The following ZZZ3 variants were observed in gnomAD, a reference collection of about 807,000 sequenced individuals.
ZZZ3 encodes the protein zinc finger ZZ-type containing 3.
Under a neutral mutation model 95.2 loss-of-function variants are expected in ZZZ3, and 22 were observed. That is an observed-to-expected ratio of 0.23 (90% CI 0.17 to 0.33). ZZZ3 has a LOEUF of 0.33. Among genes scored for constraint, ZZZ3 ranks in the 10% least tolerant of loss-of-function variants. The pLI is 1.00. For missense variants in ZZZ3, 885 were observed against 1,066.5 expected (o/e 0.83, Z 2.37); for synonymous variants, 335 against 358.9 (o/e 0.93, Z 0.75).
intron 5 of ZZZ3, among the ~76,000 whole-genome samples, chr1:77,604,565 G>A (rs1264308839): frequency 6.6e-6 from 1 of 152,166 alleles, no homozygotes; most frequent in Non-Finnish European, 1.5e-5. Flanking sequence ...TAAACTACGT[G>A]AGAACAGGCA....
rs748271897 is a variant in ZZZ3, at chr1:77,632,352, T to C, written c.1003A>G (p.Thr335Ala). 6 of 1,614,030 alleles carry C rather than the reference T, an allele frequency of 3.7e-6. No homozygotes were observed. The highest frequency in any genetic ancestry group is 5.1e-6 in the Non-Finnish European group (6 of 1,180,008). The change falls in exon 5 of 15, where the codon ACC becomes GCC. Residue 335 changes from threonine to alanine, a missense_variant. Thr to Ala is a moderately conservative substitution (Grantham distance 58). Around this residue, in one of 5 missense-constraint regions of ZZZ3, gnomAD observed 556 missense variants for 652.9 expected, o/e 0.85. Transcript: ENST00000370801. ...SASKEQCKEN[T>A]NNELDTSLES... ...AGACTTGTGTCCAGTTCGTTATTGG[T>C]GTTTTCTTTACACTGCTCTTTTGAG... is the stretch of plus-strand genomic sequence containing the variant.
intron 1 of ZZZ3, among the ~76,000 whole-genome samples, chr1:77,642,737 A>G (rs894354096): frequency 2.0e-5 from 3 of 152,242 alleles, no homozygotes; most frequent in African/African-American, 7.2e-5. Flanking sequence ...CAGGCAACAG[A>G]GTAAACCCTA....
At chr1:77,669,259 C>CTTAA (rs747752342) in intron 1 of ZZZ3, among the ~76,000 whole-genome samples, 1 of 152,106 alleles carries the variant, frequency 6.6e-6, no homozygotes, top group South Asian at 2.1e-4. Context: ...TCAAGTTTCT[C>CTTAA]TTATCTTCTC....
At chr1:77,582,584 G>C (rs1022397216) in intron 6 of ZZZ3, among the ~76,000 whole-genome samples, 1 of 149,024 alleles carries the variant, frequency 6.7e-6, no homozygotes, top group African/African-American at 2.5e-5. Flanking sequence ...AGCAAACCCA[G>C]AAAAATAGAA....
intron 1 of ZZZ3, among the ~76,000 whole-genome samples, chr1:77,660,154 A>T (rs1021412907): frequency 6.6e-6 from 1 of 152,188 alleles, no homozygotes; most frequent in Admixed American, 6.5e-5. Flanking sequence ...TCTAGCAGGT[A>T]AAGAAGAGTA....
At chr1:77,680,891 ACTTT>A (rs1479237251) in intron 1 of ZZZ3, among the ~76,000 whole-genome samples, 1 of 152,200 alleles carries the variant, frequency 6.6e-6, no homozygotes, top group Non-Finnish European at 1.5e-5. Context: ...TTTTACATGT[ACTTT>A]CTTTCTGTGC....
At chr1:77,586,525 C>T (rs971857588) in intron 5 of ZZZ3, among the ~76,000 whole-genome samples, 1 of 152,122 alleles carries the variant, frequency 6.6e-6, no homozygotes, top group African/African-American at 2.4e-5. Context: ...GGAAGAAGGG[C>T]CTCTAATTTG....
intron 5 of ZZZ3, among the ~76,000 whole-genome samples, chr1:77,595,202 T>C (rs1664106608): frequency 6.6e-6 from 1 of 151,996 alleles, no homozygotes; most frequent in South Asian, 2.1e-4. Context: ...TATTTAAATA[T>C]TGAAAAATAA....
At chr1:77,635,562 C>T (rs1668218380) in intron 4 of ZZZ3, among the ~76,000 whole-genome samples, 1 of 152,206 alleles carries the variant, frequency 6.6e-6, no homozygotes, top group African/African-American at 2.4e-5. Flanking sequence ...CCATAATTTT[C>T]CACTTTTAAT....
At position 77,582,001 on chromosome 1, in the gene ZZZ3, T is replaced by C. The variant is rs1296289248; in HGVS notation, c.1770A>G (p.Arg590=). 1 of 1,605,498 alleles carries C rather than the reference T, an allele frequency of 6.2e-7. No individual in the cohort carries two copies. The highest frequency in any genetic ancestry group is 1.7e-5 in the Admixed American group (1 of 59,406). ...EFKNRKRHTR[R]VKLVFDKVGL... is the part of the protein sequence containing the mutation. Reference sequence around the variant, plus strand: ...TACCTTTATCAAAAACTAGCTTAACTCTTCTAGTATGTCTTTTACGATTTT... The same window carrying C: ...TACCTTTATCAAAAACTAGCTTAACCCTTCTAGTATGTCTTTTACGATTTT... The change falls in exon 7 of 15, where the codon AGA becomes AGG. Residue 590 remains arginine, a synonymous_variant. Coordinates refer to ENST00000370801, the MANE Select transcript of ZZZ3 (RefSeq NM_015534.6).
chr1:77,653,121 A>G (rs1017741245), intron 1 of ZZZ3, among the ~76,000 whole-genome samples: 6 of 152,148 alleles, frequency 3.9e-5, no homozygotes, highest in Non-Finnish European at 2.9e-5. Flanking sequence ...TGGGAGTTTG[A>G]GGCTGCAGTG....
chr1:77,572,408 G>A (rs188847745), intron 12 of ZZZ3, among the ~76,000 whole-genome samples: 34 of 151,938 alleles, frequency 2.2e-4, no homozygotes, highest in South Asian at 4.2e-4. Flanking sequence ...GCACGATCTC[G>A]GCTCACTGCA....
rs1489040733 is a variant in ZZZ3 at position 77,632,211 on chromosome 1, G to A, written c.1144C>T (p.Pro382Ser). 6.2e-7 allele frequency: 1 copy of A among 1,613,866 alleles called. No homozygotes were observed. Among genetic ancestry groups the A allele is most frequent in the African/African-American group, 1.3e-5 (1 of 74,896 alleles). The part of the protein sequence containing the change: ...QEHRYTLRTS[P>S]RRAAPTRGSP... ...CCTCTGGTAGGGGCTGCCCTTCGTG[G>A]TGAGGTTCTCAGAGTATAACGATGT... The change falls in exon 5 of 15, where the codon CCA becomes TCA. Residue 382 changes from proline to serine, a missense_variant. This residue lies in a region of ZZZ3 where 556 missense variants were observed against 652.9 expected (regional missense o/e 0.85). Coordinates refer to ENST00000370801, the MANE Select transcript of ZZZ3 (RefSeq NM_015534.6).
chr1:77,623,047 A>G (rs1357651490), intron 5 of ZZZ3, among the ~76,000 whole-genome samples: 1 of 152,240 alleles, frequency 6.6e-6, no homozygotes. Flanking sequence ...CCTGCCATCC[A>G]CAACTACAAA....
At chr1:77,676,107 C>A (rs557735620) in intron 1 of ZZZ3, among the ~76,000 whole-genome samples, 1 of 152,180 alleles carries the variant, frequency 6.6e-6, no homozygotes, top group Non-Finnish European at 1.5e-5. Flanking sequence ...GAGTTAATTT[C>A]TCTAATTCCC....
intron 10 of ZZZ3, among the ~76,000 whole-genome samples, chr1:77,579,254 T>C (rs1026105352): frequency 1.3e-5 from 2 of 152,212 alleles, no homozygotes; most frequent in African/African-American, 4.8e-5. Context: ...AACCAAAAAG[T>C]ATACAATTAG....
At chr1:77,642,669 T>C (rs1268236121) in intron 1 of ZZZ3, among the ~76,000 whole-genome samples, 3 of 151,968 alleles carry the variant, frequency 2.0e-5, no homozygotes, top group Non-Finnish European at 4.4e-5. Context: ...GGGAGGATCA[T>C]CTGAGCCCCG....
chr1:77,676,165 C>T (rs1259942877), intron 1 of ZZZ3, among the ~76,000 whole-genome samples: 1 of 152,100 alleles, frequency 6.6e-6, no homozygotes, highest in African/African-American at 2.4e-5. Flanking sequence ...TAGTACTGTA[C>T]TTGTTGGTTG....
At chr1:77,576,331 T>A (rs1293501354) in intron 11 of ZZZ3, 111 bp from the exon 12 acceptor site, 2 of 889,998 alleles carry the variant, frequency 2.2e-6, no homozygotes, top group Admixed American at 3.0e-5. Flanking sequence ...AATTTCACTC[T>A]ATCCTTTAGC....
Sources: allele counts gnomAD v4.1 joint callset (sites outside exome capture counted in the v4.1 genomes callset), GRCh38; gene constraint gnomAD v4.1.1; regional missense constraint gnomAD v4.1.1; transcripts MANE v1.5; gene names NCBI Gene and HGNC (gene_info 2026-07-23, HGNC 2026-07-21).